The following CFAP54 variants were observed in gnomAD, a reference collection of about 807,000 sequenced individuals.
CFAP54 encodes the protein cilia- and flagella-associated protein 54.
Under a neutral mutation model 370.4 loss-of-function variants are expected in CFAP54, and 290 were observed. That is an observed-to-expected ratio of 0.78 (90% confidence interval 0.71 to 0.86). CFAP54 has a LOEUF of 0.86. Ranked by LOEUF, CFAP54 falls within the 40% of genes least tolerant of loss-of-function variation. The probability of loss-of-function intolerance (pLI) is 0.00; values close to 1 mark genes in which losing one functional copy is unlikely to be tolerated. For missense variants in CFAP54, 3,399 were observed against 3,528.7 expected (o/e 0.96, Z 0.93); for synonymous variants, 1,206 against 1,236.5 (o/e 0.98, Z 0.52).
At position 96,837,756 on chromosome 12, in the gene CFAP54, G is replaced by A. The variant is rs144730467; in HGVS notation, c.9171+8668G>A. Among the ~76,000 whole-genome samples, 3 of 152,298 alleles carry A rather than the reference G, an allele frequency of 2.0e-5. No homozygotes were observed. In the East Asian group the frequency reaches 5.8e-4, roughly 29 times the overall value. ...TCAGTTATTTGTACAGTAAACATTT[G>A]TGAAGTGCCACCTTTGTACCAGCCA... On this transcript the variant is annotated intron_variant, in intron 66 of 67. Coordinates refer to ENST00000524981, the MANE Select transcript of CFAP54 (RefSeq NM_001306084.2).
intron 5 of CFAP54, among the ~76,000 whole-genome samples, chr12:96,515,432 C>A (rs1477675762): frequency 1.3e-5 from 2 of 152,168 alleles, no homozygotes; most frequent in African/African-American, 4.8e-5. Context: ...GAATGACATT[C>A]TTTCTGTTTC....
At chr12:96,573,090 A>C in intron 19 of CFAP54, 7 of 942,198 alleles carry the variant, frequency 7.4e-6, no homozygotes, top group Non-Finnish European at 8.9e-6. Context: ...CCAGTGGGCC[A>C]GTGCTGCTGG....
chr12:96,611,409 A>C (rs1307001639), intron 26 of CFAP54, among the ~76,000 whole-genome samples: 2 of 152,208 alleles, frequency 1.3e-5, no homozygotes, highest in Non-Finnish European at 2.9e-5. Context: ...TCAAAGACCA[A>C]AGTTACATAA....
chr12:96,660,188 G>A (rs905808157), intron 38 of CFAP54, among the ~76,000 whole-genome samples: 2 of 152,142 alleles, frequency 1.3e-5, no homozygotes, highest in Admixed American at 6.5e-5. Context: ...AAAGAACATT[G>A]TAGCCCAAGA....
intron 39 of CFAP54, among the ~76,000 whole-genome samples, chr12:96,676,132 G>C (rs1957205486): frequency 6.6e-6 from 1 of 152,096 alleles, no homozygotes; most frequent in African/African-American, 2.4e-5. Context: ...GTCTTCATCT[G>C]CTGAATGCTT....
chr12:96,711,406 G>T (rs1048858320), intron 48 of CFAP54, among the ~76,000 whole-genome samples: 1 of 150,840 alleles, frequency 6.6e-6, no homozygotes, highest in African/African-American at 2.4e-5. Flanking sequence ...TATTTTCTTT[G>T]TTCACTACAC....
chr12:96,504,854 C>T (rs1955074161), intron 3 of CFAP54, among the ~76,000 whole-genome samples: 1 of 152,170 alleles, frequency 6.6e-6, no homozygotes, highest in Non-Finnish European at 1.5e-5. Flanking sequence ...GAAAAGGTCT[C>T]TCCTACTCCC....
intron 32 of CFAP54, among the ~76,000 whole-genome samples, chr12:96,634,515 T>C (rs1406070689): frequency 1.3e-5 from 2 of 152,222 alleles, no homozygotes; most frequent in Non-Finnish European, 2.9e-5. Context: ...GCATATGTTA[T>C]TGGCAAATAC....
chr12:96,639,308 C>G (rs1352266915), intron 32 of CFAP54, among the ~76,000 whole-genome samples: 1 of 152,194 alleles, frequency 6.6e-6, no homozygotes, highest in Non-Finnish European at 1.5e-5. Flanking sequence ...CACCTCTATG[C>G]AAATGAACTA....
At chr12:96,527,149 G>T in intron 8 of CFAP54, 97 bp from the exon 9 acceptor site, 2 of 1,058,362 alleles carry the variant, frequency 1.9e-6, no homozygotes. Context: ...CTCCTGCCTT[G>T]GCCTCCCAAA....
In CFAP54 at chr12:96,489,624, C is replaced by G; in HGVS notation, c.15C>G (p.Gly5=). The G allele has an allele frequency of 6.6e-7, 1 of 1,520,440 alleles. No homozygotes were observed. The highest frequency in any genetic ancestry group is 8.8e-7 in the Non-Finnish European group (1 of 1,135,822). The allele number at this position is 1,520,440 out of a possible 1,614,324, so 94.2% of individuals were successfully genotyped here. A position where few individuals can be genotyped will look rare whatever the true frequency, so the allele number is the denominator to read the frequency against. Residue 5 remains glycine (G), a synonymous_variant, in exon 1 of 68, where the codon GGC becomes GGG. Transcript: ENST00000524981. MAAQ[G]SPSSSPSDDS... ...GGCGCGTCAATATGGCGGCGCAGGG[C>G]TCCCCCTCGAGCTCTCCGTCAGACG...
At chr12:96,779,586 C>G (rs983052680) in intron 60 of CFAP54, among the ~76,000 whole-genome samples, 15 of 149,398 alleles carry the variant, frequency 1.0e-4, no homozygotes. Context: ...ACCACTTAAT[C>G]TTAATTGCAA....
At chr12:96,730,044 C>T (rs955112442) in intron 50 of CFAP54, among the ~76,000 whole-genome samples, 1 of 152,088 alleles carries the variant, frequency 6.6e-6, no homozygotes, top group Non-Finnish European at 1.5e-5. Context: ...TTCTCTAATA[C>T]AGAATAAAGT....
At chr12:96,822,466 G>C (rs998737893) in intron 65 of CFAP54, among the ~76,000 whole-genome samples, 6 of 152,160 alleles carry the variant, frequency 3.9e-5, no homozygotes, top group African/African-American at 1.4e-4. Flanking sequence ...TTGGAAATTA[G>C]CATCAATTCA....
At position 96,572,360 on chromosome 12, in the gene CFAP54, G is replaced by A. The variant is rs545020999; in HGVS notation, c.2620-4225G>A. 2.6e-5 allele frequency among the ~76,000 whole-genome samples: 4 copies of A among 152,060 alleles called. No individual in the cohort carries two copies. The South Asian group carries it at 8.3e-4, about 32-fold the overall frequency. ...GTGTGGATCTTAAAGCAGAGAAGAG[G>A]ACGTGAGATGCTCCAGAAAGAATGA... On this transcript the variant is annotated intron_variant, in intron 19 of 67. Transcript: ENST00000524981.
rs757544131 is a variant in CFAP54 at position 96,784,785 on chromosome 12, G to A, written c.8350G>A (p.Ala2784Thr). The change falls in exon 61 of 68, where the codon GCA becomes ACA. Residue 2784 changes from alanine (A) to threonine (T), a missense_variant. Physicochemically the swap from Ala to Thr is moderately conservative, Grantham distance 58. Around this residue, in one of 3 missense-constraint regions of CFAP54, gnomAD observed 2,796 missense variants for 2,869.7 expected, o/e 0.97. Transcript: ENST00000524981. ...CCAAAATGATGATGTGTGTGACAGC[G>A]CAGATGGTAGAAAAAAGACTCAGAC... ...LYQNDDVCDS[A>T]DGRKKTQTKV... 3.7e-5 allele frequency: 57 copies of A among 1,534,562 alleles called. No homozygotes were observed. Among genetic ancestry groups the A allele is most frequent in the Non-Finnish European group, 4.2e-5 (48 of 1,146,042 alleles).
intron 22 of CFAP54, among the ~76,000 whole-genome samples, chr12:96,584,045 G>T (rs900417555): frequency 4.6e-5 from 7 of 152,152 alleles, no homozygotes; most frequent in Non-Finnish European, 1.5e-5. Context: ...ATGGTGGCAG[G>T]TGAAGGGGAA....
At chr12:96,834,236 T>A in intron 66 of CFAP54, among the ~76,000 whole-genome samples, 1 of 151,430 alleles carries the variant, frequency 6.6e-6, no homozygotes, top group Non-Finnish European at 1.5e-5. Context: ...CATGGGAGGG[T>A]GTTAGGATAT....
intron 67 of CFAP54, among the ~76,000 whole-genome samples, chr12:96,872,839 T>G (rs921092912): frequency 6.6e-6 from 1 of 152,188 alleles, no homozygotes; most frequent in Non-Finnish European, 1.5e-5. Flanking sequence ...GAACTGAGAT[T>G]GACTTTCAGT....
Sources: allele counts gnomAD v4.1 joint callset (sites outside exome capture counted in the v4.1 genomes callset), GRCh38; gene constraint gnomAD v4.1.1; regional missense constraint gnomAD v4.1.1; transcripts MANE v1.5; gene names NCBI Gene and HGNC (gene_info 2026-07-23, HGNC 2026-07-21).